The following ESRRG variants were observed in gnomAD, a reference collection of about 807,000 sequenced individuals.
The protein encoded by ESRRG is estrogen related receptor gamma.
In ESRRG, 13 loss-of-function variants were observed where a neutral mutation model predicts 44.0. The ratio of observed to expected loss-of-function variants is 0.30; its 90% CI spans 0.19 to 0.47. ESRRG has a LOEUF of 0.47. Among genes scored for constraint, ESRRG ranks in the 20% least tolerant of loss-of-function variants. ESRRG has a pLI of 1.00. For missense variants in ESRRG, 395 were observed against 580.6 expected (o/e 0.68, Z 3.29); for synonymous variants, 215 against 214.6 (o/e 1.00, Z -0.02).
At chr1:216,805,682 C>T (rs1422049380) in intron 2 of ESRRG, among the ~76,000 whole-genome samples, 3 of 151,692 alleles carry the variant, frequency 2.0e-5, no homozygotes, top group Admixed American at 6.6e-5. Context: ...GTTAGGCTTC[C>T]GCAGTGACAA....
At chr1:216,620,367 G>A (rs544720463) in intron 3 of ESRRG, among the ~76,000 whole-genome samples, 72 of 152,166 alleles carry the variant, frequency 4.7e-4, no homozygotes, top group African/African-American at 1.7e-3. Context: ...TTTTAGACCC[G>A]TCCACCACCA....
intron 2 of ESRRG, among the ~76,000 whole-genome samples, chr1:216,729,891 G>A (rs1471023893): frequency 6.6e-6 from 1 of 152,106 alleles, no homozygotes; most frequent in African/African-American, 2.4e-5. Context: ...ACAAGGCTTT[G>A]CTCTTGTTAC....
chr1:216,911,604 T>C (rs2060305361), intron 2 of ESRRG, among the ~76,000 whole-genome samples: 1 of 152,208 alleles, frequency 6.6e-6, no homozygotes, highest in South Asian at 2.1e-4. Flanking sequence ...TGGGTGATAA[T>C]GATGTGTCAG....
At chr1:217,031,796 C>T (rs2082105052) in intron 1 of ESRRG, among the ~76,000 whole-genome samples, 1 of 152,220 alleles carries the variant, frequency 6.6e-6, no homozygotes, top group Non-Finnish European at 1.5e-5. Flanking sequence ...CTTTGCTCAG[C>T]TATCATTCTT....
In ESRRG at chr1:216,905,976, T is replaced by C. The variant is rs924551267; in HGVS notation, c.-14+33606A>G. On this transcript the variant is annotated intron_variant, in intron 2 of 7. Coordinates refer to the ESRRG transcript ENST00000359162. ...ATATTGGCCAGCCTGGTCTCAAATT[T>C]CTGACCTCAGGCAATCTGGCCACCT... 2.0e-5 allele frequency among the ~76,000 whole-genome samples: 3 copies of C among 152,302 alleles called. No individual in the cohort carries two copies. In the South Asian group the frequency reaches 6.2e-4, roughly 32 times the overall value.
intron 2 of ESRRG, among the ~76,000 whole-genome samples, chr1:216,925,386 G>A (rs1186188960): frequency 6.6e-6 from 1 of 151,990 alleles, no homozygotes; most frequent in African/African-American, 2.4e-5. Context: ...GCAGTGAGCT[G>A]AGATCACGCC....
At chr1:216,621,418 G>A (rs1383788924) in intron 3 of ESRRG, among the ~76,000 whole-genome samples, 4 of 152,136 alleles carry the variant, frequency 2.6e-5, no homozygotes, top group Non-Finnish European at 5.9e-5. Context: ...ATGACTGTTG[G>A]TTGCAGCCCA....
chr1:216,530,109 CAA>C (rs34108833), intron 5 of ESRRG, among the ~76,000 whole-genome samples: 7,517 of 62,094 alleles, frequency 0.12, 89 homozygotes, highest in East Asian at 0.23. Context: ...GAGACTCCAT[CAA>C]AAAAAAAAAA....
rs954691305 is a variant in ESRRG at position 217,005,890 on chromosome 1, A to G, written c.-105-66217T>C. On this transcript the variant is annotated intron_variant, in intron 1 of 7. Coordinates refer to the ESRRG transcript ENST00000359162. ...AACTTCAGAGCCAGTCTTCATTACT[A>G]TGTTAATCACTGTGGTCTTTATTAA... 7.2e-5 allele frequency among the ~76,000 whole-genome samples: 11 copies of G among 152,132 alleles called. 1 individual carries two copies. In the South Asian group the frequency reaches 2.1e-3, roughly 29 times the overall value.
intron 2 of ESRRG, among the ~76,000 whole-genome samples, chr1:216,777,773 C>A (rs1189228414): frequency 6.6e-6 from 1 of 152,128 alleles, no homozygotes; most frequent in African/African-American, 2.4e-5. Flanking sequence ...AACACATACA[C>A]ATAAATTTGG....
At chr1:217,030,049 G>A (rs1039308477) in intron 1 of ESRRG, among the ~76,000 whole-genome samples, 1 of 152,160 alleles carries the variant, frequency 6.6e-6, no homozygotes. Flanking sequence ...TACAGCCCTA[G>A]ATTCCACCTT....
chr1:216,560,219 A>T (rs893641370), intron 5 of ESRRG, among the ~76,000 whole-genome samples: 8 of 152,228 alleles, frequency 5.3e-5, no homozygotes, highest in Admixed American at 1.3e-4. Context: ...AATTATAGGA[A>T]TTTTTTTCTA....
At chr1:216,660,799 C>T (rs973294587) in intron 2 of ESRRG, among the ~76,000 whole-genome samples, 1 of 152,096 alleles carries the variant, frequency 6.6e-6, no homozygotes, top group Non-Finnish European at 1.5e-5. Flanking sequence ...AGAACGGAAT[C>T]TCTCAACACC....
At chr1:217,061,353 T>G (rs1429053849) in intron 1 of ESRRG, among the ~76,000 whole-genome samples, 1 of 151,976 alleles carries the variant, frequency 6.6e-6, no homozygotes, top group African/African-American at 2.4e-5. Context: ...AGAATATGTA[T>G]CAAAATAGCT....
upstream of ESRRG, among the ~76,000 whole-genome samples, chr1:216,724,331 T>C (rs1322679504): frequency 6.7e-6 from 1 of 150,144 alleles, no homozygotes. Context: ...ATTAAATCTC[T>C]CTCGATGCAT....
At chr1:216,594,561 A>C (rs2058166420) in intron 3 of ESRRG, among the ~76,000 whole-genome samples, 2 of 152,320 alleles carry the variant, frequency 1.3e-5, no homozygotes, top group African/African-American at 2.4e-5. Context: ...TCACTGGAGC[A>C]CTCAGCATCT....
chr1:217,048,034 A>G (rs1449827428), intron 1 of ESRRG, among the ~76,000 whole-genome samples: 2 of 152,196 alleles, frequency 1.3e-5, no homozygotes, highest in Non-Finnish European at 2.9e-5. Flanking sequence ...GTGGGCATCT[A>G]AAGAGTCTTT....
chr1:216,737,649 A>T (rs2090123718), intron 2 of ESRRG, among the ~76,000 whole-genome samples: 1 of 152,198 alleles, frequency 6.6e-6, no homozygotes. Context: ...ATGTAAAAGC[A>T]TAAACTTTGA....
intron 3 of ESRRG, among the ~76,000 whole-genome samples, chr1:216,599,031 T>C (rs1290497291): frequency 2.0e-5 from 3 of 152,180 alleles, no homozygotes; most frequent in Non-Finnish European, 4.4e-5. Flanking sequence ...TTAGGTGAAG[T>C]TATGGGTATG....
Sources: allele counts gnomAD v4.1 joint callset (sites outside exome capture counted in the v4.1 genomes callset), GRCh38; gene constraint gnomAD v4.1.1; transcripts MANE v1.5; gene names NCBI Gene and HGNC (gene_info 2026-07-23, HGNC 2026-07-21).